The following ABLIM1 variants were observed in gnomAD, a reference collection of about 807,000 sequenced individuals.
ABLIM1 encodes actin binding LIM protein 1, also known as actin-binding LIM protein 1.
Under a neutral mutation model 107.0 loss-of-function variants are expected in ABLIM1, and 40 were observed. That is an observed-to-expected ratio of 0.37 (90% CI 0.29 to 0.49). ABLIM1 has a LOEUF of 0.49. Among genes scored for constraint, ABLIM1 ranks in the 20% least tolerant of loss-of-function variants. The pLI is 0.97. For missense variants in ABLIM1, 857 were observed against 1,008.5 expected, an observed-to-expected ratio of 0.85 and a Z score of 2.04; for synonymous variants, 357 against 357.3, an observed-to-expected ratio of 1.00 and a Z score of 0.01.
At position 114,656,269 on chromosome 10, in the gene ABLIM1, CAAA is replaced by C. The variant is rs71007486; in HGVS notation, c.244+1685_244+1687del. Among the ~76,000 whole-genome samples the C allele has an allele frequency of 7.9e-5, 5 of 63,574 alleles. No individual in the cohort carries two copies. In the South Asian group the frequency reaches 3.2e-3, roughly 41 times the overall value. The allele number at this position is 63,574 out of a possible 152,430, so 41.7% of individuals were successfully genotyped here. A position where few individuals can be genotyped will look rare whatever the true frequency, so the allele number is the denominator to read the frequency against. ...TGGGCAACAAAGCAAAACTCCGTCT[CAAA>C]AAAAAAAAAAAAAAAAAAAAGGCAG... On this transcript the variant is annotated intron_variant, in intron 1 of 22. Transcript: ENST00000533213.
chr10:114,552,304 T>G (rs1441529786), intron 4 of ABLIM1, among the ~76,000 whole-genome samples: 2 of 152,108 alleles, frequency 1.3e-5, no homozygotes, highest in East Asian at 3.8e-4. Context: ...TATCTTCATG[T>G]TTTTCAGCTG....
intron 1 of ABLIM1, chr10:114,690,676 C>A: frequency 1.9e-6 from 1 of 526,154 alleles, no homozygotes; most frequent in South Asian, 2.9e-5. Flanking sequence ...GCGGCAGCGT[C>A]TGCAAAAGCC....
At chr10:114,674,072 T>C (rs1252315506) in intron 1 of ABLIM1, among the ~76,000 whole-genome samples, 2 of 152,016 alleles carry the variant, frequency 1.3e-5, no homozygotes, top group Non-Finnish European at 1.5e-5. Flanking sequence ...GGCAGGTCAC[T>C]TGAGGTCAAG....
Position 114,646,131 on chromosome 10 carries a change from G to A in ABLIM1, c.244+11826C>T, listed in dbSNP as rs1391456081. The stretch of plus-strand genomic sequence containing the variant: ...GTATTGTATTTGTTGGGATTTGGAG[G>A]AGATTAGAGGGTGGACAGGAAGGAA... On this transcript the variant is annotated intron_variant, in intron 1 of 22. Transcript: ENST00000533213. 4.6e-5 allele frequency among the ~76,000 whole-genome samples: 7 copies of A among 152,316 alleles called. No individual in the cohort carries two copies. The South Asian group carries it at 1.5e-3, about 32-fold the overall frequency.
chr10:114,749,450 C>CCCCACACACA (rs2082460302), intron 1 of ABLIM1, among the ~76,000 whole-genome samples: 1 of 141,488 alleles, frequency 7.1e-6, no homozygotes, highest in Non-Finnish European at 1.6e-5. Flanking sequence ...AACACACACA[C>CCCCACACACA]CACACACACA....
the ABLIM1 span, among the ~76,000 whole-genome samples, chr10:114,794,111 C>T: frequency 1.3e-5 from 2 of 152,308 alleles, no homozygotes; most frequent in East Asian, 3.9e-4. Context: ...CACAAGTCTC[C>T]TGGATGTGTC....
intron 1 of ABLIM1, among the ~76,000 whole-genome samples, chr10:114,732,244 C>T (rs1177427390): frequency 5.9e-5 from 8 of 135,806 alleles, no homozygotes; most frequent in African/African-American, 2.2e-4. Context: ...AGTGCAGTGG[C>T]GCCACCTCGG....
intron 1 of ABLIM1, among the ~76,000 whole-genome samples, chr10:114,720,196 C>A (rs553551260): frequency 6.6e-6 from 1 of 152,202 alleles, no homozygotes; most frequent in African/African-American, 2.4e-5. Flanking sequence ...CTGCAAATGA[C>A]ATGATCTCAT....
rs768955745 is a variant in ABLIM1, at chr10:114,690,136, G to C, written c.-213+77925C>G. 6 of 1,326,104 alleles carry C rather than the reference G, an allele frequency of 4.5e-6. No individual in the cohort carries two copies. The African/African-American group carries it at 7.2e-5, about 16-fold the overall frequency. 82.1% of individuals were successfully genotyped at this position (1,326,104 alleles called of 1,614,324 possible). The stretch of plus-strand genomic sequence containing the variant: ...GTCTGGTGGTTAAGATAAAACACAA[G>C]TCAAACTTATTCAAGTTGTCCACAG... On this transcript the variant is annotated intron_variant, in intron 1 of 15. Transcript: ENST00000651092.
chr10:114,787,354 G>A, the ABLIM1 span, among the ~76,000 whole-genome samples: 2 of 151,694 alleles, frequency 1.3e-5, no homozygotes, highest in African/African-American at 2.4e-5. Flanking sequence ...ACCCCGTCTG[G>A]GAAGTGAGGA....
intron 18 of ABLIM1, among the ~76,000 whole-genome samples, chr10:114,441,458 G>A (rs981476161): frequency 6.6e-6 from 1 of 152,118 alleles, no homozygotes; most frequent in African/African-American, 2.4e-5. Flanking sequence ...AAAAATATTT[G>A]CCATACAGTT....
intron 2 of ABLIM1, among the ~76,000 whole-genome samples, chr10:114,589,267 T>C (rs2074562694): frequency 6.6e-6 from 1 of 150,638 alleles, no homozygotes; most frequent in East Asian, 2.0e-4. Flanking sequence ...CAGTGGCTTA[T>C]GCCTATAATC....
At chr10:114,549,208 A>T (rs1055430474) in intron 4 of ABLIM1, among the ~76,000 whole-genome samples, 2 of 152,150 alleles carry the variant, frequency 1.3e-5, no homozygotes, top group Non-Finnish European at 2.9e-5. Context: ...AATGTGGTGA[A>T]ACCCTGTCTC....
At chr10:114,615,440 C>A in intron 1 of ABLIM1, 1 of 373,886 alleles carries the variant, frequency 2.7e-6, no homozygotes, top group Non-Finnish European at 5.6e-6. Flanking sequence ...CCTGAACTAC[C>A]TTGTTAAAGG....
intron 7 of ABLIM1, among the ~76,000 whole-genome samples, chr10:114,489,020 AT>A (rs915410672): frequency 1.3e-5 from 2 of 150,548 alleles, no homozygotes; most frequent in African/African-American, 4.9e-5. Context: ...TCTTTACCTC[AT>A]TTTTTTTTCT....
intron 6 of ABLIM1, among the ~76,000 whole-genome samples, chr10:114,503,420 C>T (rs2060695269): frequency 6.6e-6 from 1 of 151,840 alleles, no homozygotes; most frequent in Admixed American, 6.6e-5. Context: ...CACCGCCCTC[C>T]AGCCTGGAAC....
intron 1 of ABLIM1, among the ~76,000 whole-genome samples, chr10:114,722,601 C>A (rs541343746): frequency 1.3e-5 from 2 of 152,220 alleles, no homozygotes; most frequent in Non-Finnish European, 2.9e-5. Flanking sequence ...CACACACAAA[C>A]ACACATAAAT....
intron 8 of ABLIM1, chr10:114,485,254 C>G (rs1397768702): frequency 6.6e-7 from 1 of 1,513,690 alleles, no homozygotes; most frequent in African/African-American, 1.4e-5. Flanking sequence ...AAGCCTGGGC[C>G]CAGGACAGTG....
At chr10:114,624,212 C>G (rs1189846187) in intron 1 of ABLIM1, among the ~76,000 whole-genome samples, 1 of 152,168 alleles carries the variant, frequency 6.6e-6, no homozygotes, top group Non-Finnish European at 1.5e-5. Flanking sequence ...CTGAAAAGTT[C>G]TCTGGCTCTT....
Sources: gnomAD v4.1 joint callset for allele counts (sites outside exome capture counted in the v4.1 genomes callset) on GRCh38, gnomAD v4.1.1 for gene constraint, MANE v1.5 for transcripts, NCBI Gene and HGNC (gene_info 2026-07-23, HGNC 2026-07-21) for gene names.